The following ZNF335 variants were observed in gnomAD, a reference collection of about 807,000 sequenced individuals.
ZNF335 encodes the protein NRC-interacting factor 1.
A neutral mutation model predicts 145.6 loss-of-function variants in ZNF335; 84 were observed. That is an observed-to-expected ratio of 0.58 (90% confidence interval 0.48 to 0.69). The LOEUF (loss-of-function observed/expected upper bound fraction) is 0.69. Ranked by LOEUF, ZNF335 falls within the 30% of genes least tolerant of loss-of-function variation. The pLI is 0.00. For missense variants in ZNF335, 1,865 were observed against 1,809.7 expected (o/e 1.03, Z -0.55); for synonymous variants, 761 against 717.0 (o/e 1.06, Z -0.98).
chr20:45,959,510 A>C, intron 14 of ZNF335, 77 bp from the exon 15 acceptor site: 1 of 1,131,042 alleles, frequency 8.8e-7, no homozygotes, highest in South Asian at 2.2e-5. Context: ...TCTTGACCCT[A>C]AGGATCTCTC....
At chr20:45,970,194 G>A (rs1453136125) in intron 2 of ZNF335, 3 of 153,284 alleles carry the variant, frequency 2.0e-5, no homozygotes, top group African/African-American at 7.2e-5. Context: ...CTCCATGCCA[G>A]ACTGTGCCCT....
Position 45,952,404 on chromosome 20 carries a change from C to T in ZNF335, c.2932G>A (p.Ala978Thr), listed in dbSNP as rs1444402946. The T allele has an allele frequency of 6.3e-7, 1 of 1,588,220 alleles. No homozygotes were observed. The highest frequency in any genetic ancestry group is 1.7e-5 in the Admixed American group (1 of 58,482). The change falls in exon 20 of 28, where the codon GCC (alanine) becomes ACC (threonine). Residue 978 changes from alanine (A) to threonine (T), a missense_variant. Coordinates refer to ENST00000322927, the MANE Select transcript of ZNF335 (RefSeq NM_022095.4). The part of the protein sequence containing the change: ...PRDGPEPPSP[A>T]KTHCVGDSQS... ...GAGTCCCCTACGCAGTGGGTCTTGG[C>T]TGGAGATGGGGGCTCAGGGCCGTCT...
intron 14 of ZNF335, 28 bp downstream of exon 14, chr20:45,960,180 A>G: frequency 1.2e-6 from 2 of 1,612,384 alleles, no homozygotes; most frequent in Non-Finnish European, 1.7e-6. Context: ...AGGGCTGGTG[A>G]GTGGGGCTGG....
Position 45,960,566 on chromosome 20 carries a change from A to G in ZNF335, c.1783-41T>C, listed in dbSNP as rs370291050. 115 of 1,613,808 alleles carry G rather than the reference A, an allele frequency of 7.1e-5. No homozygotes were observed. In the African/African-American group the frequency reaches 1.3e-3, roughly 18 times the overall value. On this transcript the variant is annotated intron_variant, in intron 12 of 27. Coordinates refer to ENST00000322927, the MANE Select transcript of ZNF335 (RefSeq NM_022095.4). ...AGCAGTGAGATGGCGATCACCCTCCATCACCCAGGGGAGGCCCTCCTCTCA... is the reference window on the plus strand; with the variant it reads ...AGCAGTGAGATGGCGATCACCCTCCGTCACCCAGGGGAGGCCCTCCTCTCA...
intron 15 of ZNF335, 143 bp downstream of exon 15, chr20:45,959,058 G>A (rs967361428): frequency 3.3e-6 from 2 of 601,324 alleles, no homozygotes; most frequent in Non-Finnish European, 5.0e-6. Context: ...TCTAAGCTTA[G>A]GGCTGGCATA....
chr20:45,960,140 T>C, intron 14 of ZNF335, 68 bp downstream of exon 14: 1 of 1,569,050 alleles, frequency 6.4e-7, no homozygotes, highest in South Asian at 1.1e-5. Context: ...GGATGGGAGC[T>C]AAGCCTCTGA....
chr20:45,969,700 C>A lies in ZNF335; in HGVS notation c.202-9G>T. ...CTCTCAGATACCTCCTCCTGAGGGGCATGAAACAGGGAGGGAAAAAGTTTA... is the reference window on the plus strand; with the variant it reads ...CTCTCAGATACCTCCTCCTGAGGGGAATGAAACAGGGAGGGAAAAAGTTTA... On this transcript the variant is annotated splice_polypyrimidine_tract_variant and intron_variant, in intron 2 of 27. Transcript: ENST00000322927. The A allele has an allele frequency of 6.2e-7, 1 of 1,609,734 alleles. No homozygotes were observed.
At position 45,968,338 on chromosome 20, in the gene ZNF335, T is replaced by C. The variant is rs137868834; in HGVS notation, c.467A>G (p.Glu156Gly). 9.9e-6 allele frequency: 16 copies of C among 1,612,434 alleles called. No homozygotes were observed. The African/African-American group carries it at 2.1e-4, about 22-fold the overall frequency. The part of the protein sequence containing the change: ...IQNCITVTSA[E>G]DGGAETTRYL... ...CCGTGTGGTCTCGGCCCCGCCATCC[T>C]CAGCACTGGTCACAGTGATGCAGTC... Residue 156 changes from glutamate (E) to glycine (G), a missense_variant, in exon 4 of 28, where the codon GAG becomes GGG. Coordinates refer to ENST00000322927, the MANE Select transcript of ZNF335 (RefSeq NM_022095.4).
intron 20 of ZNF335, 50 bp downstream of exon 20, chr20:45,952,097 C>G (rs781147872): frequency 9.1e-6 from 14 of 1,539,194 alleles, no homozygotes; most frequent in Non-Finnish European, 1.2e-5. Context: ...GTTATACAAA[C>G]GAGTAGCCCA....
chr20:45,954,770 C>CTT (rs10577924), intron 17 of ZNF335, among the ~76,000 whole-genome samples: 42 of 90,134 alleles, frequency 4.7e-4, no homozygotes, highest in East Asian at 1.7e-3. Flanking sequence ...CATACAATTA[C>CTT]TTTTTTTTTT....
At chr20:45,951,223 T>G (rs1437064365) in intron 20 of ZNF335, among the ~76,000 whole-genome samples, 2 of 152,216 alleles carry the variant, frequency 1.3e-5, no homozygotes, top group East Asian at 1.9e-4. Flanking sequence ...TGAGGCCTGA[T>G]AGGGCGTTCA....
rs749940268 is a variant in ZNF335 at position 45,953,681 on chromosome 20, G to C, written c.2702+8C>G. ...GCTGAAAGGGGCCTTGCAGGCAGCAGGTCTCACCTGTAAGGTGTGCCAGGA... is the reference window on the plus strand; with the variant it reads ...GCTGAAAGGGGCCTTGCAGGCAGCACGTCTCACCTGTAAGGTGTGCCAGGA... On this transcript the variant is annotated splice_region_variant and intron_variant, in intron 18 of 27. Transcript: ENST00000322927. 2.5e-6 allele frequency: 4 copies of C among 1,612,852 alleles called. No individual in the cohort carries two copies. Among genetic ancestry groups the C allele is most frequent in the Non-Finnish European group, 3.4e-6 (4 of 1,179,172 alleles).
rs199611338 is a variant in ZNF335 at position 45,951,197 on chromosome 20, CCT to C, written c.3190-604_3190-603del. 5.4e-3 allele frequency among the ~76,000 whole-genome samples: 826 copies of C among 152,346 alleles called. 2 individuals are homozygous for C. Among genetic ancestry groups the C allele is most frequent in the East Asian group, 0.032 (167 of 5,188 alleles). On this transcript the variant is annotated intron_variant, in intron 20 of 27. Transcript: ENST00000322927. ...GTGAGCCACCGTGCCCGGCCCTGGC[CCT>C]GATTTTCTAGGGCTGAGGCCTGATA...
intron 17 of ZNF335, among the ~76,000 whole-genome samples, chr20:45,956,243 T>C (rs1171198034): frequency 6.6e-6 from 1 of 152,064 alleles, no homozygotes; most frequent in African/African-American, 2.4e-5. Flanking sequence ...TTCTTTTTTT[T>C]TTTTTAGATG....
At chr20:45,971,884 C>T in intron 1 of ZNF335, 1 of 985,372 alleles carries the variant, frequency 1.0e-6, no homozygotes, top group Non-Finnish European at 1.2e-6. Flanking sequence ...GCGACGGTCT[C>T]GGGGCCTGGC....
At chr20:45,971,816 C>G in intron 1 of ZNF335, 1 of 985,400 alleles carries the variant, frequency 1.0e-6, no homozygotes, top group African/African-American at 1.7e-5. Flanking sequence ...GTACAGCCCG[C>G]TGGCCCCCTG....
intron 10 of ZNF335, chr20:45,961,797 C>A: frequency 2.6e-6 from 1 of 391,098 alleles, no homozygotes; most frequent in Non-Finnish European, 4.7e-6. Context: ...ACACAATTTC[C>A]TTCAATCCCT....
In ZNF335 at chr20:45,952,513, T is replaced by G; in HGVS notation, c.2823A>C (p.Ala941=). The change falls in exon 20 of 28, where the codon GCA becomes GCC. Residue 941 remains alanine (A), a synonymous_variant. Transcript: ENST00000322927. ...GTQLHHIELT[A]DGSISFPSPD... ...GACTTGGGAAGGAGATGGAGCCATC[T>G]GCGGTGAGCTGTAGAGAGACAGGGA... 1 of 1,579,230 alleles carries G rather than the reference T, an allele frequency of 6.3e-7. No individual in the cohort carries two copies.
chr20:45,951,958 G>A (rs1236488798), intron 20 of ZNF335, among the ~76,000 whole-genome samples, 189 bp downstream of exon 20: 1 of 152,238 alleles, frequency 6.6e-6, no homozygotes, highest in Non-Finnish European at 1.5e-5. Context: ...TAGTCACGTT[G>A]TGTGTGGTTT....
Sources: gnomAD v4.1 joint callset for allele counts (sites outside exome capture counted in the v4.1 genomes callset) on GRCh38, gnomAD v4.1.1 for gene constraint, MANE v1.5 for transcripts, NCBI Gene and HGNC (gene_info 2026-07-23, HGNC 2026-07-21) for gene names.